RNF212B: variants seen among roughly 807,000 people sequenced by gnomAD.
RNF212B encodes the protein E3 ubiquitin-protein ligase RNF212B.
In RNF212B, 52 loss-of-function variants were observed where a neutral mutation model predicts 55.5. The observed-to-expected ratio is 0.94, with a 90% CI of 0.75 to 1.18. The LOEUF (loss-of-function observed/expected upper bound fraction) is 1.18, where lower values mean the gene tolerates loss of function less well. RNF212B is among the 50% of genes most tolerant of loss of function. The pLI is 0.00. For missense variants in RNF212B, 289 were observed against 350.4 expected, an observed-to-expected ratio of 0.82 and a Z score of 1.40; for synonymous variants, 99 against 121.4, an observed-to-expected ratio of 0.82 and a Z score of 1.21.
chr14:23,219,963 C>T (rs552995858), intron 2 of RNF212B, among the ~76,000 whole-genome samples: 87 of 151,930 alleles, frequency 5.7e-4, no homozygotes, highest in Admixed American at 1.0e-3. Flanking sequence ...GCAGGTGGAT[C>T]GTTTGACGTC....
chr14:23,191,095 T>A (rs1188856039), intron 1 of RNF212B, among the ~76,000 whole-genome samples: 1 of 152,180 alleles, frequency 6.6e-6, no homozygotes, highest in African/African-American at 2.4e-5. Context: ...GGCTCACTCC[T>A]GTAATCCCAG....
intron 10 of RNF212B, 143 bp downstream of exon 10, chr14:23,264,377 A>T: frequency 1.3e-6 from 1 of 749,122 alleles, no homozygotes; most frequent in Non-Finnish European, 2.2e-6. Context: ...TTGGCAATGG[A>T]GACCTGATAT....
intron 2 of RNF212B, among the ~76,000 whole-genome samples, chr14:23,215,017 G>A (rs1460993749): frequency 6.6e-6 from 1 of 152,208 alleles, no homozygotes. Flanking sequence ...TTGGCTCTGT[G>A]TCCCCACACA....
At chr14:23,224,219 C>G (rs939318401) in intron 2 of RNF212B, among the ~76,000 whole-genome samples, 1 of 150,022 alleles carries the variant, frequency 6.7e-6, no homozygotes, top group Non-Finnish European at 1.5e-5. Flanking sequence ...TGACATTCTC[C>G]ACAAATATAG....
intron 7 of RNF212B, 121 bp downstream of exon 7, chr14:23,260,808 C>G: frequency 1.1e-6 from 1 of 894,854 alleles, no homozygotes; most frequent in Non-Finnish European, 1.8e-6. Context: ...TTCACTTCTC[C>G]GAGGAAGAGT....
At chr14:23,271,016 G>A (rs761247850) in intron 14 of RNF212B, among the ~76,000 whole-genome samples, 23 of 152,236 alleles carry the variant, frequency 1.5e-4, no homozygotes, top group South Asian at 6.2e-4. Flanking sequence ...CTTGAACTAG[G>A]AAAAACCACA....
At chr14:23,269,567 C>T (rs890064140) in intron 12 of RNF212B, among the ~76,000 whole-genome samples, 2 of 151,934 alleles carry the variant, frequency 1.3e-5, no homozygotes, top group East Asian at 1.9e-4. Context: ...CCTAATTACC[C>T]GGGCTTGGTG....
chr14:23,229,668 G>GA (rs1247453281), intron 2 of RNF212B, among the ~76,000 whole-genome samples: 1 of 152,024 alleles, frequency 6.6e-6, no homozygotes, highest in African/African-American at 2.4e-5. Flanking sequence ...GTGTCTGCTG[G>GA]ACACTTCTAT....
intron 1 of RNF212B, among the ~76,000 whole-genome samples, chr14:23,192,688 TA>T (rs538376966): frequency 9.9e-5 from 15 of 151,812 alleles, no homozygotes; most frequent in Non-Finnish European, 2.1e-4. Context: ...AGTATAATAA[TA>T]AAAAAAAGAA....
At chr14:23,256,820 G>A (rs1018077990) in intron 4 of RNF212B, among the ~76,000 whole-genome samples, 1 of 152,136 alleles carries the variant, frequency 6.6e-6, no homozygotes, top group Non-Finnish European at 1.5e-5. Context: ...TCAGGTAGTT[G>A]AGATTACAGG....
intron 2 of RNF212B, among the ~76,000 whole-genome samples, chr14:23,228,497 G>T (rs1882242209): frequency 6.7e-6 from 1 of 150,224 alleles, no homozygotes; most frequent in East Asian, 2.0e-4. Context: ...ATTAACAGGT[G>T]TGGTGGCATG....
chr14:23,193,033 T>C (rs926806188), intron 1 of RNF212B, among the ~76,000 whole-genome samples: 1 of 144,744 alleles, frequency 6.9e-6, no homozygotes, highest in Non-Finnish European at 1.5e-5. Context: ...TGGAGGTTGC[T>C]GTGAGACGAG....
intron 10 of RNF212B, 146 bp downstream of exon 10, chr14:23,264,380 C>T: frequency 5.4e-6 from 4 of 736,828 alleles, no homozygotes; most frequent in Non-Finnish European, 8.8e-6. Context: ...GCAATGGAGA[C>T]CTGATATTAG....
intron 2 of RNF212B, among the ~76,000 whole-genome samples, chr14:23,194,446 C>T (rs568564076): frequency 5.9e-5 from 9 of 152,028 alleles, no homozygotes; most frequent in Non-Finnish European, 1.0e-4. Flanking sequence ...CTATTAGAAG[C>T]TGATAAATCA....
At chr14:23,213,173 C>T (rs566422424) in intron 2 of RNF212B, among the ~76,000 whole-genome samples, 1 of 151,810 alleles carries the variant, frequency 6.6e-6, no homozygotes, top group African/African-American at 2.4e-5. Context: ...ATTAGCCGGG[C>T]GTGGTGGCAG....
chr14:23,221,037 C>T (rs1881523868), intron 2 of RNF212B, among the ~76,000 whole-genome samples: 1 of 151,784 alleles, frequency 6.6e-6, no homozygotes, highest in Non-Finnish European at 1.5e-5. Context: ...CTAAACTCTC[C>T]AATCAAAAGT....
At chr14:23,254,044 C>T (rs549853376) in intron 4 of RNF212B, among the ~76,000 whole-genome samples, 5 of 151,954 alleles carry the variant, frequency 3.3e-5, no homozygotes, top group East Asian at 1.9e-4. Flanking sequence ...TTTGGGAGGC[C>T]GAAGTGGGAG....
intron 2 of RNF212B, among the ~76,000 whole-genome samples, chr14:23,219,687 G>T (rs986371153): frequency 1.3e-5 from 2 of 151,912 alleles, no homozygotes; most frequent in Non-Finnish European, 2.9e-5. Flanking sequence ...GGTCAGGCTG[G>T]TCTCAAACTG....
At chr14:23,256,232 G>A (rs1427191998) in intron 4 of RNF212B, among the ~76,000 whole-genome samples, 3 of 152,102 alleles carry the variant, frequency 2.0e-5, no homozygotes, top group East Asian at 1.9e-4. Context: ...CCAAGGGTAG[G>A]ATTAGGATAT....
Sources: gnomAD v4.1 joint callset for allele counts (sites outside exome capture counted in the v4.1 genomes callset) on GRCh38, gnomAD v4.1.1 for gene constraint, MANE v1.5 for transcripts, NCBI Gene and HGNC (gene_info 2026-07-23, HGNC 2026-07-21) for gene names.